The following STEAP3 variants were observed in gnomAD, a reference collection of about 807,000 sequenced individuals.
The protein encoded by STEAP3 is metalloreductase STEAP3.
A neutral mutation model predicts 34.9 loss-of-function variants in STEAP3; 35 were observed. The observed-to-expected ratio is 1.00, with a 90% CI of 0.76 to 1.33. The LOEUF (loss-of-function observed/expected upper bound fraction) is 1.33. STEAP3 is among the 40% of genes most tolerant of loss of function. The pLI, the probability that STEAP3 is intolerant of heterozygous loss-of-function variation, is 0.00. For synonymous variants in STEAP3, 281 were observed against 301.6 expected, an observed-to-expected ratio of 0.93 and a Z score of 0.71; for missense variants, 652 against 667.6, an observed-to-expected ratio of 0.98 and a Z score of 0.26.
chr2:119,257,663 C>CT (rs1677815761), intron 5 of STEAP3: 2 of 1,432,826 alleles, frequency 1.4e-6, no homozygotes, highest in Non-Finnish European at 9.2e-7. Context: ...ATGCGTGCAG[C>CT]CAACAGTGGC....
intron 5 of STEAP3, among the ~76,000 whole-genome samples, chr2:119,260,407 G>C (rs911046073): frequency 1.3e-5 from 2 of 151,870 alleles, no homozygotes; most frequent in African/African-American, 4.8e-5. Context: ...CCACCTCCTG[G>C]GTTCAAGCGA....
chr2:119,262,668 G>A (rs926533271), intron 5 of STEAP3, among the ~76,000 whole-genome samples: 9 of 152,166 alleles, frequency 5.9e-5, no homozygotes, highest in African/African-American at 1.9e-4. Flanking sequence ...GAGAGCCACC[G>A]CAGCAGGCCT....
chr2:119,251,750 C>A lies in STEAP3; in HGVS notation c.1051-2934C>A, dbSNP rs115910100. On this transcript the variant is annotated intron_variant, in intron 4 of 5. Transcript: ENST00000393110. ...TCCTGTGACGTGTCAACACTTGGGT[C>A]CCATACTGTCCTCTAAATGGGCAGA... 2.1e-3 allele frequency among the ~76,000 whole-genome samples: 321 copies of A among 152,192 alleles called. 1 individual carries two copies. Among genetic ancestry groups the A allele is most frequent in the African/African-American group, 7.2e-3 (301 of 41,522 alleles).
At position 119,259,797 on chromosome 2, in the gene STEAP3, C is replaced by T. The variant is rs527779954; in HGVS notation, c.1216-3260C>T. ...GCCTGGATGGGCTCCCATTGCTGCA[C>T]CTCCTGGGAAAGCCCACGACACAGA... On this transcript the variant is annotated intron_variant, in intron 5 of 5. Coordinates refer to ENST00000393110, the MANE Select transcript of STEAP3 (RefSeq NM_182915.3). Among the ~76,000 whole-genome samples, 19 of 152,362 alleles carry T rather than the reference C, an allele frequency of 1.2e-4. 1 individual carries two copies. Among genetic ancestry groups the T allele is most frequent in the Admixed American group, 3.3e-4 (5 of 15,310 alleles).
chr2:119,259,300 T>G (rs1016103886), intron 5 of STEAP3, among the ~76,000 whole-genome samples: 1 of 152,216 alleles, frequency 6.6e-6, no homozygotes, highest in African/African-American at 2.4e-5. Flanking sequence ...AGCTTGGGGA[T>G]CTTATTAATC....
intron 2 of STEAP3, among the ~76,000 whole-genome samples, chr2:119,235,182 T>C (rs1677058679): frequency 6.6e-6 from 1 of 152,104 alleles, no homozygotes; most frequent in Non-Finnish European, 1.5e-5. Flanking sequence ...GTGGTCCCCA[T>C]GGGGTTTGTT....
At chr2:119,246,097 A>G in intron 3 of STEAP3, 109 bp downstream of exon 3, 8 of 1,390,084 alleles carry the variant, frequency 5.8e-6, no homozygotes, top group Non-Finnish European at 7.7e-6. Context: ...CTAATCCTGC[A>G]TCACTGCAAA....
chr2:119,234,546 C>G (rs1213669445), intron 2 of STEAP3, among the ~76,000 whole-genome samples: 2 of 152,360 alleles, frequency 1.3e-5, no homozygotes, highest in East Asian at 3.9e-4. Flanking sequence ...CATTGTGTAG[C>G]TGGCCTTTCT....
intron 1 of STEAP3, among the ~76,000 whole-genome samples, chr2:119,226,036 C>G (rs1679030321): frequency 2.0e-5 from 3 of 152,266 alleles, no homozygotes; most frequent in Admixed American, 2.0e-4. Flanking sequence ...GAGAAGGCAA[C>G]TGAGGCCTAG....
chr2:119,225,813 C>T (rs1679022120), intron 1 of STEAP3, among the ~76,000 whole-genome samples: 1 of 152,210 alleles, frequency 6.6e-6, no homozygotes, highest in African/African-American at 2.4e-5. Flanking sequence ...GCTCTCTGAA[C>T]CTCTGTTTAT....
rs149356629 is a variant in STEAP3 at position 119,248,125 on chromosome 2, C to T, written c.969C>T (p.Ala323=). Residue 323 remains alanine (A), a synonymous_variant, in exon 4 of 6, where the codon GCC becomes GCT. Coordinates refer to ENST00000393110, the MANE Select transcript of STEAP3 (RefSeq NM_182915.3). ...TCGGGCTGCTCAGCTTCTTCTGCGCCGCCCTGCACGCCCTCTACAGCTTCT... is the reference window on the plus strand; with the variant it reads ...TCGGGCTGCTCAGCTTCTTCTGCGCTGCCCTGCACGCCCTCTACAGCTTCT... ...KQIGLLSFFC[A]ALHALYSFCL... The T allele has an allele frequency of 4.7e-5, 76 of 1,608,572 alleles. No homozygotes were observed. In the African/African-American group the frequency reaches 7.6e-4, roughly 16 times the overall value.
intron 4 of STEAP3, among the ~76,000 whole-genome samples, chr2:119,253,512 A>G (rs529394989): frequency 7.9e-5 from 12 of 151,374 alleles, no homozygotes; most frequent in Admixed American, 1.3e-4. Flanking sequence ...AACCTGTATG[A>G]GTCATTCTGT....
intron 4 of STEAP3, among the ~76,000 whole-genome samples, chr2:119,250,260 G>C (rs1677581554): frequency 6.6e-6 from 1 of 152,238 alleles, no homozygotes. Flanking sequence ...GAGTAAGAAA[G>C]ACACAGACCA....
chr2:119,231,560 C>T (rs982440564), intron 2 of STEAP3, among the ~76,000 whole-genome samples: 13 of 152,118 alleles, frequency 8.5e-5, no homozygotes, highest in African/African-American at 2.7e-4. Flanking sequence ...AAAAAGCTCT[C>T]TAAATTATTC....
rs148577589 is a variant in STEAP3, at chr2:119,245,720, C to T, written c.254C>T (p.Thr85Ile). The change falls in exon 3 of 6, where the codon ACT becomes ATT. Residue 85 changes from threonine (T) to isoleucine (I), a missense_variant. Transcript: ENST00000393110. ...ARLFPSAAQV[T>I]FQEEAVSSPE... Reference sequence around the variant, plus strand: ...CTGTTTCCCTCAGCGGCCCAAGTGACTTTCCAAGAGGAGGCAGTGAGCTCC... The same window carrying T: ...CTGTTTCCCTCAGCGGCCCAAGTGATTTTCCAAGAGGAGGCAGTGAGCTCC... 34 of 1,614,096 alleles carry T rather than the reference C, an allele frequency of 2.1e-5. No individual in the cohort carries two copies. The African/African-American group carries it at 3.2e-4, about 15-fold the overall frequency.
intron 1 of STEAP3, among the ~76,000 whole-genome samples, chr2:119,229,341 G>T (rs1447964797): frequency 1.3e-5 from 2 of 152,178 alleles, no homozygotes; most frequent in Non-Finnish European, 2.9e-5. Context: ...TAAGCAGAGA[G>T]CGATGTGAGG....
chr2:119,227,238 T>C (rs1305237835), intron 1 of STEAP3, among the ~76,000 whole-genome samples: 6 of 152,168 alleles, frequency 3.9e-5, no homozygotes, highest in Admixed American at 3.9e-4. Context: ...CCTCACCCAC[T>C]GAGCTGGAGG....
chr2:119,254,959 G>A, intron 5 of STEAP3, 111 bp downstream of exon 5: 1 of 1,353,720 alleles, frequency 7.4e-7, no homozygotes, highest in South Asian at 1.4e-5. Flanking sequence ...CTGCACAGCA[G>A]GACCACTCGG....
chr2:119,257,740 T>C (rs1677818260), intron 5 of STEAP3: 4 of 1,382,286 alleles, frequency 2.9e-6, no homozygotes, highest in Non-Finnish European at 3.7e-6. Context: ...AGAAGTTACC[T>C]GAGCCCCATC....
Sources: gnomAD v4.1 joint callset for allele counts (sites outside exome capture counted in the v4.1 genomes callset) on GRCh38, gnomAD v4.1.1 for gene constraint, MANE v1.5 for transcripts, NCBI Gene and HGNC (gene_info 2026-07-23, HGNC 2026-07-21) for gene names.